Variants in LPAR1 observed in about 807,000 individuals in gnomAD.
The protein encoded by LPAR1 is LPA receptor 1.
LPAR1 carries 5 observed loss-of-function variants against 23.8 expected under a neutral mutation model. The observed-to-expected ratio is 0.21, with a 90% CI of 0.11 to 0.44. The LOEUF is 0.44. LPAR1 is among the 20% of genes least tolerant of loss of function. LPAR1 has a pLI of 0.99. For missense variants in LPAR1, 311 were observed against 482.8 expected, an observed-to-expected ratio of 0.64 and a Z score of 3.33; for synonymous variants, 160 against 164.7, an observed-to-expected ratio of 0.97 and a Z score of 0.22.
At chr9:110,971,734 C>CCCCA (rs2096429012) in intron 4 of LPAR1, among the ~76,000 whole-genome samples, 1 of 149,390 alleles carries the variant, frequency 6.7e-6, no homozygotes, top group Non-Finnish European at 1.5e-5. Context: ...CCCCACCCCC[C>CCCCA]GGCCCACAAA....
intron 5 of LPAR1, among the ~76,000 whole-genome samples, chr9:110,913,491 T>G (rs1054766515): frequency 5.5e-5 from 8 of 144,710 alleles, no homozygotes; most frequent in Non-Finnish European, 1.1e-4. Flanking sequence ...AAAGTATTGA[T>G]GAAAGGTATT....
chr9:111,018,282 T>C (rs1367594214), intron 2 of LPAR1, among the ~76,000 whole-genome samples: 1 of 152,236 alleles, frequency 6.6e-6, no homozygotes, highest in Non-Finnish European at 1.5e-5. Context: ...TCTCAAACTC[T>C]GCTGGTAGGA....
intron 2 of LPAR1, among the ~76,000 whole-genome samples, chr9:111,006,483 T>G (rs1031006809): frequency 6.6e-6 from 1 of 152,186 alleles, no homozygotes; most frequent in East Asian, 1.9e-4. Flanking sequence ...CATCATGAAT[T>G]TGGAGTTCAC....
At chr9:111,002,566 A>G (rs2097147362) in intron 2 of LPAR1, among the ~76,000 whole-genome samples, 1 of 152,224 alleles carries the variant, frequency 6.6e-6, no homozygotes, top group Admixed American at 6.5e-5. Flanking sequence ...AAAGATAGAA[A>G]AAGTGTCCCA....
chr9:110,958,270 A>C (rs190780176), intron 4 of LPAR1, among the ~76,000 whole-genome samples: 6 of 152,352 alleles, frequency 3.9e-5, no homozygotes, highest in Admixed American at 6.5e-5. Flanking sequence ...TAAATAGCTA[A>C]AGCAATCCTG....
chr9:110,981,853 G>T (rs1029324890), intron 2 of LPAR1, among the ~76,000 whole-genome samples: 4 of 152,134 alleles, frequency 2.6e-5, no homozygotes, highest in African/African-American at 9.7e-5. Flanking sequence ...CATTTATGCA[G>T]CCAACAAACT....
intron 4 of LPAR1, among the ~76,000 whole-genome samples, chr9:110,955,477 T>C (rs899410831): frequency 3.3e-5 from 5 of 152,150 alleles, no homozygotes; most frequent in African/African-American, 1.2e-4. Flanking sequence ...ACAATAATGG[T>C]TGGTGACCTC....
chr9:110,950,875 C>G (rs534649207), intron 4 of LPAR1, among the ~76,000 whole-genome samples: 3 of 152,286 alleles, frequency 2.0e-5, no homozygotes, highest in African/African-American at 7.2e-5. Context: ...TGGAACTTGA[C>G]AGACTCCCTG....
chr9:110,882,546 TAC>T (rs1328270130), intron 5 of LPAR1, among the ~76,000 whole-genome samples: 2 of 152,260 alleles, frequency 1.3e-5, no homozygotes, highest in Non-Finnish European at 2.9e-5. Flanking sequence ...GAACAATTCC[TAC>T]ACACTTTTGA....
intron 5 of LPAR1, among the ~76,000 whole-genome samples, chr9:110,917,144 C>T (rs2093212299): frequency 6.6e-6 from 1 of 150,484 alleles, no homozygotes. Flanking sequence ...TCAAGACCAG[C>T]CTGGCTAACA....
At chr9:110,885,610 A>C (rs2082152117) in intron 5 of LPAR1, among the ~76,000 whole-genome samples, 1 of 152,236 alleles carries the variant, frequency 6.6e-6, no homozygotes, top group African/African-American at 2.4e-5. Flanking sequence ...GTGACCCCTG[A>C]GGTCTATAAG....
chr9:110,876,761 C>T (rs1316904296), intron 5 of LPAR1, among the ~76,000 whole-genome samples: 1 of 152,210 alleles, frequency 6.6e-6, no homozygotes, highest in Admixed American at 6.5e-5. Flanking sequence ...TGAATCATTA[C>T]AATTTTACTA....
intron 5 of LPAR1, among the ~76,000 whole-genome samples, chr9:110,906,329 T>A (rs2091204973): frequency 6.6e-6 from 1 of 152,198 alleles, no homozygotes; most frequent in Non-Finnish European, 1.5e-5. Flanking sequence ...GAAAAAATCC[T>A]ACTTCTTAAT....
intron 2 of LPAR1, among the ~76,000 whole-genome samples, chr9:111,009,266 AG>A (rs1197288196): frequency 1.3e-5 from 2 of 152,174 alleles, no homozygotes; most frequent in Non-Finnish European, 2.9e-5. Flanking sequence ...CAGCTGATTA[AG>A]TGCAACTGAA....
At chr9:110,906,442 G>A (rs2091240359) in intron 5 of LPAR1, among the ~76,000 whole-genome samples, 1 of 152,140 alleles carries the variant, frequency 6.6e-6, no homozygotes, top group Admixed American at 6.6e-5. Context: ...TAATCATTAA[G>A]AGTATCATCT....
At chr9:110,901,969 T>C (rs2089271735) in intron 5 of LPAR1, among the ~76,000 whole-genome samples, 1 of 152,104 alleles carries the variant, frequency 6.6e-6, no homozygotes, top group Non-Finnish European at 1.5e-5. Flanking sequence ...AGATACTTTT[T>C]CCCTGTTTCT....
chr9:110,926,751 T>G (rs2094068114), intron 5 of LPAR1, among the ~76,000 whole-genome samples: 1 of 151,814 alleles, frequency 6.6e-6, no homozygotes, highest in Non-Finnish European at 1.5e-5. Context: ...TCCTCTCCCC[T>G]GTAAAGCAAG....
intron 5 of LPAR1, among the ~76,000 whole-genome samples, chr9:110,936,360 C>T (rs1366400484): frequency 6.6e-6 from 1 of 152,234 alleles, no homozygotes; most frequent in Admixed American, 6.5e-5. Context: ...ACTTATCTGA[C>T]TCCTGCCACT....
At chr9:110,966,524 A>T (rs1196239237) in intron 4 of LPAR1, among the ~76,000 whole-genome samples, 1 of 152,010 alleles carries the variant, frequency 6.6e-6, no homozygotes, top group African/African-American at 2.4e-5. Context: ...GTTGATAGGT[A>T]CAGCAAACTA....
Sources: gnomAD v4.1 joint callset for allele counts (sites outside exome capture counted in the v4.1 genomes callset) on GRCh38, gnomAD v4.1.1 for gene constraint, MANE v1.5 for transcripts, NCBI Gene and HGNC (gene_info 2026-07-23, HGNC 2026-07-21) for gene names.